Variants in ATXN2L observed in about 807,000 individuals in gnomAD.
ATXN2L encodes the protein ataxin-2-like protein.
A neutral mutation model predicts 120.7 loss-of-function variants in ATXN2L; 24 were observed. That is an observed-to-expected ratio of 0.20 (90% CI 0.14 to 0.28). The LOEUF (loss-of-function observed/expected upper bound fraction) is 0.28. Among genes scored for constraint, ATXN2L ranks in the 10% least tolerant of loss-of-function variants. The pLI is 1.00. For synonymous variants in ATXN2L, 653 were observed against 568.1 expected (o/e 1.15, Z -2.13); for missense variants, 1,312 against 1,432.3 (o/e 0.92, Z 1.36).
Position 28,829,499 on chromosome 16 carries a change from A to G in ATXN2L, c.833+7A>G, listed in dbSNP as rs1453328353. The G allele has an allele frequency of 1.9e-6, 3 of 1,567,698 alleles. No homozygotes were observed. The highest frequency in any genetic ancestry group is 2.6e-6 in the Non-Finnish European group (3 of 1,137,990). The stretch of plus-strand genomic sequence containing the variant: ...GCAGTCTTTCTTCTTATACGTGAGT[A>G]TCTTGGTGCTCTCCAGGTGATGTGT... On this transcript the variant is annotated splice_region_variant and intron_variant, in intron 7 of 21. Transcript: ENST00000336783.
rs987449959 is a variant in ATXN2L, at chr16:28,832,516, G to A, written c.1537G>A (p.Glu513Lys). The change falls in exon 12 of 22, where the codon GAA (glutamate) becomes AAA (lysine). Residue 513 changes from glutamate (E) to lysine (K), a missense_variant. Glu to Lys is a moderately conservative substitution (Grantham distance 56). Transcript: ENST00000336783. ...AACAGTAAAAGAACTCTCTACCAAG[G>A]AACCTGGGAGAACTCTGGAGCCCCA... Reference protein sequence around the residue: ...PTDVKELSTKEPGRTLEPQEL... With the variant: ...PTDVKELSTKKPGRTLEPQEL... 6.2e-7 allele frequency: 1 copy of A among 1,614,164 alleles called. No homozygotes were observed. The highest frequency in any genetic ancestry group is 2.2e-5 in the East Asian group (1 of 44,888).
rs147536062 is a variant in ATXN2L, at chr16:28,836,170, A to G, written c.3133A>G (p.Arg1045Gly). 7.4e-5 allele frequency: 119 copies of G among 1,613,964 alleles called. No homozygotes were observed. The highest frequency in any genetic ancestry group is 9.5e-5 in the Non-Finnish European group (112 of 1,179,996). Residue 1045 changes from arginine (R) to glycine (G), a missense_variant, in exon 22 of 22, where the codon AGG (arginine) becomes GGG (glycine). By Grantham distance (125) the Arg-to-Gly change is moderately radical. Coordinates refer to ENST00000336783, the MANE Select transcript of ATXN2L (RefSeq NM_007245.4). The part of the protein sequence containing the change: ...APGFPGGADD[R>G]IREFSLAGGI... ...TGGATTTCCAGGAGGAGCCGATGAC[A>G]GGATTCGTGAGTTCTCATTAGCTGG...
intron 10 of ATXN2L, among the ~76,000 whole-genome samples, 170 bp downstream of exon 10, chr16:28,831,242 A>G (rs2054289767): frequency 1.4e-5 from 2 of 146,872 alleles, no homozygotes; most frequent in Admixed American, 1.4e-4. Context: ...TAGTGCAGAA[A>G]TCTCAACCTA....
rs776657733 is a variant in ATXN2L, at chr16:28,835,073, A to G, written c.2449A>G (p.Met817Val). Residue 817 changes from methionine (M) to valine (V), a missense_variant, in exon 19 of 22, where the codon ATG (methionine) becomes GTG (valine). Transcript: ENST00000336783. ...GTCCCGCCAGCCGGTGTTTGCCCCC[A>G]TGCTTCAGAGCAACCCACGCATGCT... ...HYPSQPVFAP[M>V]LQSNPRMLTS... 11 of 1,612,744 alleles carry G rather than the reference A, an allele frequency of 6.8e-6. No homozygotes were observed. The highest frequency in any genetic ancestry group is 2.7e-5 in the African/African-American group (2 of 74,926).
At chr16:28,827,508 A>G (rs2052578918) in intron 6 of ATXN2L, among the ~76,000 whole-genome samples, 1 of 152,210 alleles carries the variant, frequency 6.6e-6, no homozygotes, top group African/African-American at 2.4e-5. Flanking sequence ...TTATTTTTCA[A>G]CATAACAAAA....
At position 28,823,211 on chromosome 16, in the gene ATXN2L, C is replaced by T; in HGVS notation, c.-49C>T. On this transcript the variant is annotated 5_prime_UTR_variant, in exon 1 of 22. Coordinates refer to ENST00000336783, the MANE Select transcript of ATXN2L (RefSeq NM_007245.4). ...TCTCCAGCGGGGCCCCAGCCCCGGC[C>T]CCCTCTCTCCCTCCCTTCTCTCTAA... 8.1e-7 allele frequency: 1 copy of T among 1,229,012 alleles called. No individual in the cohort carries two copies. Among genetic ancestry groups the T allele is most frequent in the East Asian group, 3.1e-5 (1 of 32,504 alleles). The allele number at this position is 1,229,012 out of a possible 1,614,324, so 76.1% of individuals were successfully genotyped here.
In ATXN2L at chr16:28,830,537, T is replaced by G. The variant is rs1263019882; in HGVS notation, c.1035-78T>G. On this transcript the variant is annotated intron_variant, in intron 8 of 21. Transcript: ENST00000336783. ...ATGTTTGGGGGCAGAAGGGGGAGAC[T>G]TTAGAAGAAGAAATGGCTTCATCTT... 8.5e-6 allele frequency: 12 copies of G among 1,408,038 alleles called. No homozygotes were observed. In the Admixed American group the frequency reaches 2.5e-4, roughly 30 times the overall value. The allele number at this position is 1,408,038 out of a possible 1,614,324, so 87.2% of individuals were successfully genotyped here.
In ATXN2L at chr16:28,834,544, G is replaced by T; in HGVS notation, c.2284G>T (p.Ala762Ser). The change falls in exon 18 of 22, where the codon GCC becomes TCC. Residue 762 changes from alanine to serine, a missense_variant. By Grantham distance (99) the Ala-to-Ser change is moderately conservative. Coordinates refer to ENST00000336783, the MANE Select transcript of ATXN2L (RefSeq NM_007245.4). ...GCAGCGCTCGGACCAACACCAGCCA[G>T]CCTCAGCCCCGCCGATGATGCAGGC... ...PPQRSDQHQPASAPPMMQAAA... is the reference protein window; with the variant it reads ...PPQRSDQHQPSSAPPMMQAAA... The T allele has an allele frequency of 6.2e-7, 1 of 1,610,916 alleles. No individual in the cohort carries two copies. Among genetic ancestry groups the T allele is most frequent in the Non-Finnish European group, 8.5e-7 (1 of 1,179,660 alleles).
At chr16:28,829,761 G>A (rs912222332) in intron 7 of ATXN2L, 97 bp from the exon 8 acceptor site, 1 of 1,304,658 alleles carries the variant, frequency 7.7e-7, no homozygotes, top group Non-Finnish European at 1.1e-6. Context: ...ATACTTCCAT[G>A]CCTGAACTGG....
At position 28,836,106 on chromosome 16, in the gene ATXN2L, C is replaced by T. The variant is rs1299193814; in HGVS notation, c.3069C>T (p.Tyr1023=). ...CTTCCACACCCTCACCCTACCCCTA[C>T]ATCGGACACCCCCAAGGTGAGCAGC... ...LSASTPSPYP[Y]IGHPQGEQPG... Residue 1023 remains tyrosine (Y), a synonymous_variant, in exon 22 of 22, where the codon TAC becomes TAT. Coordinates refer to ENST00000336783, the MANE Select transcript of ATXN2L (RefSeq NM_007245.4). 3.1e-6 allele frequency: 5 copies of T among 1,614,054 alleles called. No individual in the cohort carries two copies. In the Admixed American group the frequency reaches 8.3e-5, roughly 27 times the overall value.
chr16:28,836,330 T>C lies in ATXN2L; in HGVS notation c.*65T>C. The C allele has an allele frequency of 6.2e-7, 1 of 1,612,534 alleles. No homozygotes were observed. The highest frequency in any genetic ancestry group is 8.5e-7 in the Non-Finnish European group (1 of 1,179,406). On this transcript the variant is annotated 3_prime_UTR_variant, in exon 22 of 22. Transcript: ENST00000336783. ...GACCTGCACCTGTCTGTGAAGTATG[T>C]AGGGTGGGCAGAAGCCACAGTCGCC...
At chr16:28,833,974 C>T in intron 15 of ATXN2L, 91 bp from the exon 16 acceptor site, 5 of 1,405,394 alleles carry the variant, frequency 3.6e-6, no homozygotes, top group East Asian at 2.3e-5. Context: ...TGGTATGCAG[C>T]ATTTCACGAA....
At position 28,830,936 on chromosome 16, in the gene ATXN2L, CAAAAAAA is replaced by C; in HGVS notation, c.1211-15_1211-9del. The C allele has an allele frequency of 7.9e-7, 1 of 1,270,558 alleles. No individual in the cohort carries two copies. Among genetic ancestry groups the C allele is most frequent in the Non-Finnish European group, 1.0e-6 (1 of 955,538 alleles). The allele number at this position is 1,270,558 out of a possible 1,614,324, so 78.7% of individuals were successfully genotyped here. A position where few individuals can be genotyped will look rare whatever the true frequency, so the allele number is the denominator to read the frequency against. ...CGTCTGCCTCCTGACATTTTCTTCTCAAAAAAAAAAAAAAAAACCAAACAGGCCCTTC... is the reference window on the plus strand; with the variant it reads ...CGTCTGCCTCCTGACATTTTCTTCTCAAAAAAAAAACCAAACAGGCCCTTC... On this transcript the variant is annotated intron_variant, in intron 9 of 21. Coordinates refer to ENST00000336783, the MANE Select transcript of ATXN2L (RefSeq NM_007245.4).
At chr16:28,832,426 G>A in intron 11 of ATXN2L, 27 bp downstream of exon 11, 1 of 1,612,552 alleles carries the variant, frequency 6.2e-7, no homozygotes, top group Non-Finnish European at 8.5e-7. Flanking sequence ...TGAGTGCTGT[G>A]AATGCATATT....
Position 28,825,612 on chromosome 16 carries a change from G to A in ATXN2L, c.337-12G>A, listed in dbSNP as rs762721382. The A allele has an allele frequency of 3.7e-6, 6 of 1,612,934 alleles. No individual in the cohort carries two copies. Among genetic ancestry groups the A allele is most frequent in the Non-Finnish European group, 5.1e-6 (6 of 1,179,004 alleles). On this transcript the variant is annotated splice_polypyrimidine_tract_variant and intron_variant, in intron 2 of 21. Transcript: ENST00000336783. ...TTACTCCTTTAATTCTCCCTCTTAT[G>A]TTAACTGACAGGTGTTTGAAGGCGT...
At chr16:28,826,721 C>A in intron 5 of ATXN2L, 141 bp from the exon 6 acceptor site, 5 of 1,013,372 alleles carry the variant, frequency 4.9e-6, no homozygotes, top group Non-Finnish European at 6.8e-6. Context: ...CACCCCCTGG[C>A]CATCCTAACA....
chr16:28,835,651 C>T lies in ATXN2L; in HGVS notation c.2788C>T (p.Pro930Ser), dbSNP rs1960272683. 2 of 1,613,956 alleles carry T rather than the reference C, an allele frequency of 1.2e-6. No individual in the cohort carries two copies. The highest frequency in any genetic ancestry group is 3.3e-5 in the Admixed American group (2 of 60,000). Residue 930 changes from proline to serine, a missense_variant, in exon 21 of 22, where the codon CCT (proline) becomes TCT (serine). Pro to Ser is a moderately conservative substitution (Grantham distance 74, BLOSUM62 -1). Coordinates refer to ENST00000336783, the MANE Select transcript of ATXN2L (RefSeq NM_007245.4). ...CACGCCGCCCTCTCTGCCACCGGGA[C>T]CTTCTGCCCAGTCCCCTCAGAGCAG... ...TGTPPSLPPG[P>S]SAQSPQSSFP...
At position 28,833,299 on chromosome 16, in the gene ATXN2L, A is replaced by G. The variant is rs2055202263; in HGVS notation, c.1900A>G (p.Ser634Gly). The change falls in exon 14 of 22, where the codon AGC becomes GGC. Residue 634 changes from serine to glycine, a missense_variant. Ser to Gly is a moderately conservative substitution (Grantham distance 56). Transcript: ENST00000336783. ...ACCACCTTGTCCAAGCCAAACTGGCAGCCCCCCGGTGGGCCTCATCAAGGG... is the reference window on the plus strand; with the variant it reads ...ACCACCTTGTCCAAGCCAAACTGGCGGCCCCCCGGTGGGCCTCATCAAGGG... ...PPPPCPSQTGSPPVGLIKGED... is the reference protein window; with the variant it reads ...PPPPCPSQTGGPPVGLIKGED... The G allele has an allele frequency of 1.9e-6, 3 of 1,614,174 alleles. No homozygotes were observed. The highest frequency in any genetic ancestry group is 8.5e-7 in the Non-Finnish European group (1 of 1,180,006).
intron 10 of ATXN2L, 68 bp downstream of exon 10, chr16:28,831,140 T>A: frequency 9.3e-7 from 1 of 1,080,336 alleles, no homozygotes; most frequent in Non-Finnish European, 1.4e-6. Flanking sequence ...ATATGTCCAT[T>A]TGTTACAGTG....
Sources: gnomAD v4.1 joint callset for allele counts (sites outside exome capture counted in the v4.1 genomes callset) on GRCh38, gnomAD v4.1.1 for gene constraint, MANE v1.5 for transcripts, NCBI Gene and HGNC (gene_info 2026-07-23, HGNC 2026-07-21) for gene names.